Variants in DDX4 observed in about 807,000 individuals in gnomAD.
The protein encoded by DDX4 is probable ATP-dependent RNA helicase DDX4.
DDX4 carries 25 observed loss-of-function variants against 100.0 expected under a neutral mutation model. The observed-to-expected ratio is 0.25, with a 90% CI of 0.18 to 0.35. The LOEUF (loss-of-function observed/expected upper bound fraction) is 0.35. Ranked by LOEUF, DDX4 falls within the 10% of genes least tolerant of loss-of-function variation. DDX4 has a pLI of 1.00. For synonymous variants in DDX4, 259 were observed against 275.7 expected (o/e 0.94, Z 0.60); for missense variants, 635 against 882.4 (o/e 0.72, Z 3.55).
At chr5:55,767,306 T>C (rs1477850989) in intron 6 of DDX4, among the ~76,000 whole-genome samples, 1 of 152,162 alleles carries the variant, frequency 6.6e-6, no homozygotes, top group Non-Finnish European at 1.5e-5. Flanking sequence ...CCAGGCATGG[T>C]GGCGCATGCC....
rs547786863 is a variant in DDX4 at position 55,759,417 on chromosome 5, AT to A, written c.128-776del. ...ACGTCACCAAATGGGATTTTAAACA[AT>A]TTTTTTCATATTTAATAGCTTTTGA... On this transcript the variant is annotated intron_variant, in intron 3 of 21. Coordinates refer to ENST00000505374, the MANE Select transcript of DDX4 (RefSeq NM_024415.3). Among the ~76,000 whole-genome samples the A allele has an allele frequency of 4.6e-5, 7 of 152,112 alleles. No homozygotes were observed. The East Asian group carries it at 1.4e-3, about 29-fold the overall frequency.
intron 15 of DDX4, among the ~76,000 whole-genome samples, chr5:55,788,832 A>G (rs1393522868): frequency 6.6e-6 from 1 of 152,024 alleles, no homozygotes; most frequent in East Asian, 1.9e-4. Context: ...TTGGGAGGCC[A>G]AGATGGGCAG....
intron 3 of DDX4, among the ~76,000 whole-genome samples, chr5:55,746,671 T>C (rs1759265192): frequency 1.3e-5 from 2 of 152,178 alleles, no homozygotes; most frequent in African/African-American, 2.4e-5. Flanking sequence ...GGAAAGGTCT[T>C]AGGAGAACAA....
At chr5:55,768,033 C>A in intron 7 of DDX4, 93 bp downstream of exon 7, 1 of 1,162,590 alleles carries the variant, frequency 8.6e-7, no homozygotes, top group South Asian at 1.2e-5. Context: ...AAACACTGAT[C>A]GTGAAAACCT....
chr5:55,780,204 A>G, intron 8 of DDX4, 139 bp downstream of exon 8: 1 of 1,289,352 alleles, frequency 7.8e-7, no homozygotes, highest in Non-Finnish European at 1.0e-6. Context: ...ATTAATCACC[A>G]CATTGTATAT....
intron 3 of DDX4, among the ~76,000 whole-genome samples, chr5:55,748,955 C>CT (rs1302385505): frequency 6.6e-6 from 1 of 152,106 alleles, no homozygotes. Context: ...TTTTCATGCT[C>CT]TTAAAATTGT....
intron 17 of DDX4, among the ~76,000 whole-genome samples, chr5:55,793,587 C>A (rs1432672039): frequency 1.3e-5 from 2 of 152,194 alleles, no homozygotes; most frequent in Non-Finnish European, 2.9e-5. Context: ...ACGTCAAAAC[C>A]TGTAGAACAT....
At chr5:55,746,022 C>T in intron 2 of DDX4, 142 bp from the exon 3 acceptor site, 1 of 623,084 alleles carries the variant, frequency 1.6e-6, no homozygotes, top group Non-Finnish European at 2.8e-6. Flanking sequence ...AAGGAACATC[C>T]AGTGATTTAG....
chr5:55,804,180 T>C (rs1223776351), intron 18 of DDX4, among the ~76,000 whole-genome samples: 2 of 152,078 alleles, frequency 1.3e-5, no homozygotes, highest in Admixed American at 6.5e-5. Flanking sequence ...TTTGTTTTTT[T>C]CTTGTAAATT....
In DDX4 at chr5:55,814,952, A is replaced by G. The variant is rs1031978573; in HGVS notation, c.1767A>G (p.Gly589=). The G allele has an allele frequency of 6.2e-7, 1 of 1,614,194 alleles. No homozygotes were observed. The highest frequency in any genetic ancestry group is 8.5e-7 in the Non-Finnish European group (1 of 1,180,014). ...REQALGDFRF[G]KCPVLVATSV... is the part of the protein sequence containing the mutation. ...AAGCTCTTGGAGATTTTCGCTTTGGAAAGTGCCCAGTTCTTGTTGCTACTT... is the reference window on the plus strand; with the variant it reads ...AAGCTCTTGGAGATTTTCGCTTTGGGAAGTGCCCAGTTCTTGTTGCTACTT... The change falls in exon 20 of 22, where the codon GGA becomes GGG. Residue 589 remains glycine (G), a synonymous_variant. Transcript: ENST00000505374.
chr5:55,799,767 T>C (rs1712961103), intron 18 of DDX4, among the ~76,000 whole-genome samples: 2 of 152,210 alleles, frequency 1.3e-5, no homozygotes, highest in South Asian at 4.1e-4. Context: ...TTCATTTTAA[T>C]ACCTTCTCAT....
At chr5:55,742,036 A>G in intron 2 of DDX4, 2 of 375,098 alleles carry the variant, frequency 5.3e-6, no homozygotes, top group Admixed American at 3.0e-5. Flanking sequence ...TTTTGAAATA[A>G]TTTGTCATTG....
At chr5:55,806,878 C>T (rs994163898) in intron 18 of DDX4, among the ~76,000 whole-genome samples, 1 of 152,084 alleles carries the variant, frequency 6.6e-6, no homozygotes, top group African/African-American at 2.4e-5. Context: ...CCTGGATATC[C>T]TTGTTAACTT....
intron 4 of DDX4, 44 bp downstream of exon 4, chr5:55,760,321 A>T (rs149509972): frequency 6.6e-7 from 1 of 1,508,004 alleles, no homozygotes; most frequent in Non-Finnish European, 8.8e-7. Flanking sequence ...CTGTTGAATA[A>T]TTGGATATAT....
intron 6 of DDX4, among the ~76,000 whole-genome samples, chr5:55,767,166 G>A (rs1220457739): frequency 1.3e-5 from 2 of 152,220 alleles, no homozygotes; most frequent in Non-Finnish European, 1.5e-5. Flanking sequence ...TTGGCCGGGT[G>A]TAGTGGCTCA....
chr5:55,805,230 C>T (rs542463953), intron 18 of DDX4, among the ~76,000 whole-genome samples: 181 of 151,944 alleles, frequency 1.2e-3, no homozygotes, highest in African/African-American at 4.1e-3. Flanking sequence ...TGGGCTGAGA[C>T]GATGGGGTTT....
chr5:55,794,986 A>G (rs1026118091), intron 17 of DDX4, among the ~76,000 whole-genome samples: 8 of 142,778 alleles, frequency 5.6e-5, no homozygotes, highest in Non-Finnish European at 1.1e-4. Flanking sequence ...TTTTCTTGAG[A>G]CAGAGTTTCG....
At chr5:55,788,113 A>G (rs1742351314) in intron 15 of DDX4, 113 bp downstream of exon 15, 6 of 908,124 alleles carry the variant, frequency 6.6e-6, no homozygotes, top group South Asian at 2.2e-5. Context: ...AGCATTACTT[A>G]AAGTATTTTT....
At chr5:55,786,875 G>C (rs1310462777) in intron 14 of DDX4, among the ~76,000 whole-genome samples, 1 of 152,222 alleles carries the variant, frequency 6.6e-6, no homozygotes, top group Non-Finnish European at 1.5e-5. Flanking sequence ...TGGTGTTGCT[G>C]TCCATAGATG....
Sources: gnomAD v4.1 joint callset for allele counts (sites outside exome capture counted in the v4.1 genomes callset) on GRCh38, gnomAD v4.1.1 for gene constraint, MANE v1.5 for transcripts, NCBI Gene and HGNC (gene_info 2026-07-23, HGNC 2026-07-21) for gene names.